The following MRTFA variants were observed in gnomAD, a reference collection of about 807,000 sequenced individuals.
MRTFA encodes myocardin related transcription factor A, also known as myocardin-related transcription factor A.
A neutral mutation model predicts 83.5 loss-of-function variants in MRTFA; 20 were observed. That is an observed-to-expected ratio of 0.24 (90% CI 0.17 to 0.35). The LOEUF is 0.35. MRTFA is among the 10% of genes least tolerant of loss of function. The probability of loss-of-function intolerance (pLI) is 1.00; values close to 1 mark genes in which losing one functional copy is unlikely to be tolerated. For synonymous variants in MRTFA, 659 were observed against 541.2 expected (o/e 1.22, Z -3.02); for missense variants, 1,200 against 1,224.7 (o/e 0.98, Z 0.30).
intron 1 of MRTFA, among the ~76,000 whole-genome samples, chr22:40,613,837 G>A (rs893834085): frequency 7.9e-5 from 12 of 152,258 alleles, no homozygotes; most frequent in South Asian, 2.1e-4. Context: ...TTGAACACAC[G>A]AGGCAAAGGT....
At chr22:40,459,170 A>G (rs1467563992) in intron 4 of MRTFA, among the ~76,000 whole-genome samples, 1 of 143,338 alleles carries the variant, frequency 7.0e-6, no homozygotes, top group African/African-American at 2.6e-5. Flanking sequence ...AGGATGTTGG[A>G]GATTACAAAA....
intron 3 of MRTFA, chr22:40,523,859 C>T (rs1481994457): frequency 1.3e-5 from 2 of 152,066 alleles, no homozygotes; most frequent in Non-Finnish European, 2.9e-5. Context: ...ATAAATTAGT[C>T]TTATGGCACT....
intron 2 of MRTFA, among the ~76,000 whole-genome samples, chr22:40,582,665 T>TAC (rs3044561): frequency 0.054 from 7,781 of 143,016 alleles, 245 homozygotes; most frequent in African/African-American, 0.088. Flanking sequence ...TATACACACA[T>TAC]ACACACACAC....
chr22:40,528,692 G>A (rs971377006), intron 3 of MRTFA, among the ~76,000 whole-genome samples: 3 of 149,964 alleles, frequency 2.0e-5, no homozygotes, highest in East Asian at 3.9e-4. Flanking sequence ...AGCCGAGATC[G>A]TGCTATTGCA....
intron 3 of MRTFA, among the ~76,000 whole-genome samples, chr22:40,464,288 G>A (rs553013361): frequency 1.6e-4 from 20 of 126,190 alleles, no homozygotes; most frequent in South Asian, 2.8e-4. Context: ...CCTGGGTAAC[G>A]AGAGTGAGAT....
chr22:40,489,971 CAAAA>C (rs55808950), intron 3 of MRTFA, among the ~76,000 whole-genome samples: 2 of 105,880 alleles, frequency 1.9e-5, no homozygotes, highest in African/African-American at 3.7e-5. Flanking sequence ...GACTCTGTCG[CAAAA>C]AAAAAAAAAA....
At position 40,429,614 on chromosome 22, in the gene MRTFA, G is replaced by T. The variant is rs1331704190; in HGVS notation, c.593C>A (p.Ala198Asp). Residue 198 changes from alanine to aspartate, a missense_variant, in exon 7 of 15, where the codon GCC (alanine) becomes GAC (aspartate). By Grantham distance (126) the Ala-to-Asp change is moderately radical (BLOSUM62 -2). This residue lies in a region of MRTFA where 93 missense variants were observed against 182.9 expected (regional missense o/e 0.51). Coordinates refer to ENST00000355630, the MANE Select transcript of MRTFA (RefSeq NM_020831.6). ...GGCTGGGTCCTCCTCACCAATGATG[G>T]CTTCCTTCAGGCTGGACTCAACAGG... The T allele has an allele frequency of 6.2e-7, 1 of 1,614,112 alleles. No homozygotes were observed. The highest frequency in any genetic ancestry group is 8.5e-7 in the Non-Finnish European group (1 of 1,180,024).
intron 3 of MRTFA, among the ~76,000 whole-genome samples, chr22:40,468,088 T>C (rs1402304632): frequency 6.6e-6 from 1 of 152,188 alleles, no homozygotes; most frequent in Non-Finnish European, 1.5e-5. Context: ...TTTGAATAAC[T>C]AGCTACTTTG....
chr22:40,463,393 G>A (rs2147153691), intron 3 of MRTFA, 107 bp from the exon 4 acceptor site: 3 of 891,380 alleles, frequency 3.4e-6, no homozygotes, highest in South Asian at 1.4e-5. Flanking sequence ...AGGATGTAGT[G>A]TGAAAGAAGG....
At chr22:40,453,272 A>T (rs2147132786) in intron 4 of MRTFA, among the ~76,000 whole-genome samples, 1 of 152,350 alleles carries the variant, frequency 6.6e-6, no homozygotes, top group Non-Finnish European at 1.5e-5. Flanking sequence ...AGGACACATC[A>T]TCTCACTAGG....
At chr22:40,605,424 C>T (rs896778539) in intron 1 of MRTFA, among the ~76,000 whole-genome samples, 1 of 152,208 alleles carries the variant, frequency 6.6e-6, no homozygotes, top group Non-Finnish European at 1.5e-5. Flanking sequence ...ACAGTGCAGC[C>T]GACTGAAGGG....
intron 7 of MRTFA, among the ~76,000 whole-genome samples, chr22:40,425,500 C>G (rs1358876163): frequency 6.6e-6 from 1 of 152,370 alleles, no homozygotes; most frequent in East Asian, 1.9e-4. Context: ...AGCTCTTGCC[C>G]TCCAGGGCCA....
At chr22:40,524,517 A>G (rs1477877043) in intron 3 of MRTFA, among the ~76,000 whole-genome samples, 4 of 152,332 alleles carry the variant, frequency 2.6e-5, no homozygotes, top group African/African-American at 9.6e-5. Flanking sequence ...TAACACAAAC[A>G]CTGCAAAGAT....
At position 40,636,472 on chromosome 22, in the gene MRTFA, A is replaced by T. The variant is rs974706653; in HGVS notation, c.-84+6T>A. On this transcript the variant is annotated splice_donor_region_variant and intron_variant, in intron 1 of 14. Transcript: ENST00000355630. ...GGAGGGGTCCCCAACCCGGACTCTC[A>T]CTCACCGCCTCGCGCGGCTCCCGGC... is the stretch of plus-strand genomic sequence containing the variant. The T allele has an allele frequency of 1.3e-5, 2 of 151,932 alleles. No homozygotes were observed. The highest frequency in any genetic ancestry group is 2.9e-5 in the Non-Finnish European group (2 of 68,052). 9.4% of individuals were successfully genotyped at this position (151,932 alleles called of 1,614,324 possible).
chr22:40,483,332 T>C (rs1259299177), intron 3 of MRTFA, among the ~76,000 whole-genome samples: 1 of 151,862 alleles, frequency 6.6e-6, no homozygotes. Flanking sequence ...CCCAAAGTGC[T>C]GGAATCACAG....
intron 4 of MRTFA, among the ~76,000 whole-genome samples, chr22:40,452,918 C>T (rs1387614090): frequency 1.3e-5 from 2 of 151,780 alleles, no homozygotes; most frequent in Admixed American, 6.6e-5. Flanking sequence ...AACATGAACA[C>T]ACCACTCACT....
At chr22:40,547,323 C>T (rs1029481697) in intron 3 of MRTFA, among the ~76,000 whole-genome samples, 3 of 151,796 alleles carry the variant, frequency 2.0e-5, no homozygotes, top group Non-Finnish European at 4.4e-5. Flanking sequence ...TATACACACA[C>T]ACACAATGAC....
chr22:40,515,139 C>T (rs577631557), intron 3 of MRTFA, among the ~76,000 whole-genome samples: 1 of 151,906 alleles, frequency 6.6e-6, no homozygotes, highest in Admixed American at 6.6e-5. Flanking sequence ...CAACTCCTGA[C>T]CTTGTGATCC....
chr22:40,572,378 G>C (rs935268832), intron 2 of MRTFA, among the ~76,000 whole-genome samples: 19 of 151,994 alleles, frequency 1.3e-4, no homozygotes, highest in African/African-American at 4.6e-4. Context: ...GAAAGGTTGA[G>C]GTCTGAGAAT....
Sources: gnomAD v4.1 joint callset for allele counts (sites outside exome capture counted in the v4.1 genomes callset) on GRCh38, gnomAD v4.1.1 for gene constraint, gnomAD v4.1.1 regional missense constraint, MANE v1.5 for transcripts, NCBI Gene and HGNC (gene_info 2026-07-23, HGNC 2026-07-21) for gene names.